TMEM154: variants seen among roughly 807,000 people sequenced by gnomAD.
TMEM154 encodes transmembrane protein 154.
In TMEM154, 27 loss-of-function variants were observed where a neutral mutation model predicts 24.5. The observed-to-expected ratio is 1.10, with a 90% confidence interval of 0.81 to 1.52. The LOEUF is 1.52. Ranked by LOEUF, TMEM154 falls within the 40% of genes most tolerant of loss-of-function variation. The pLI, the probability that TMEM154 is intolerant of heterozygous loss-of-function variation, is 0.00. For missense variants in TMEM154, 228 were observed against 213.4 expected (o/e 1.07, Z -0.43); for synonymous variants, 67 against 76.8 (o/e 0.87, Z 0.67).
chr4:152,675,131 TG>T (rs1368364782), intron 1 of TMEM154, among the ~76,000 whole-genome samples: 13 of 112,164 alleles, frequency 1.2e-4, no homozygotes, highest in Non-Finnish European at 2.1e-4. Context: ...TGCTCCAGCC[TG>T]GGCAGCAGAG....
At chr4:152,659,972 T>C (rs1728566047) in intron 1 of TMEM154, among the ~76,000 whole-genome samples, 1 of 152,210 alleles carries the variant, frequency 6.6e-6, no homozygotes, top group Non-Finnish European at 1.5e-5. Flanking sequence ...ACTGTACTAT[T>C]TGTGGCCACG....
At position 152,652,739 on chromosome 4, in the gene TMEM154, T is replaced by A; in HGVS notation, c.253A>T (p.Ile85Phe). 1 of 1,614,034 alleles carries A rather than the reference T, an allele frequency of 6.2e-7. No homozygotes were observed. Among genetic ancestry groups the A allele is most frequent in the Middle Eastern group, 1.7e-4 (1 of 6,060 alleles). The change falls in exon 2 of 7, where the codon ATT (isoleucine) becomes TTT (phenylalanine). Residue 85 changes from isoleucine to phenylalanine, a missense_variant. Transcript: ENST00000304385. ...GATAAAAGTAAGAGGACCAATAAAA[T>A]CAATGGGATTAACACCATCAGTATA... The part of the protein sequence containing the change: ...EFILMVLIPL[I>F]LLVLLLLSVV...
At position 152,628,425 on chromosome 4, in the gene TMEM154, G is replaced by A; in HGVS notation, c.*121C>T. ...TGGGCGTTGGAAGAAACAGCAAAAG[G>A]TTCTTGTGTCTATGTTGATTTGAAA... On this transcript the variant is annotated 3_prime_UTR_variant, in exon 7 of 7. Transcript: ENST00000304385. 12 of 1,504,500 alleles carry A rather than the reference G, an allele frequency of 8.0e-6. No homozygotes were observed. Among genetic ancestry groups the A allele is most frequent in the African/African-American group, 5.6e-5 (4 of 71,534 alleles). The allele number at this position is 1,504,500 out of a possible 1,614,324, so 93.2% of individuals were successfully genotyped here. A position where few individuals can be genotyped will look rare whatever the true frequency, so the allele number is the denominator to read the frequency against.
At chr4:152,654,719 G>C (rs930985305) in intron 1 of TMEM154, among the ~76,000 whole-genome samples, 7 of 152,138 alleles carry the variant, frequency 4.6e-5, no homozygotes, top group African/African-American at 1.7e-4. Context: ...TGCAGGCCAG[G>C]GAGAGAGTTC....
rs70949609 is a variant in TMEM154, at chr4:152,661,284, T to TTCTCTCTCTCTCTC, written c.65-8371_65-8358dup. On this transcript the variant is annotated intron_variant, in intron 1 of 6. Transcript: ENST00000304385. ...AATGAGAATCAAGGGATTGTTCTCT[T>TTCTCTCTCTCTCTC]TCTCTCTCTCTCTCTCTCTCTCTCT... Among the ~76,000 whole-genome samples the TTCTCTCTCTCTCTC allele has an allele frequency of 1.2e-3, 79 of 63,440 alleles. 2 individuals are homozygous for TTCTCTCTCTCTCTC. The highest frequency in any genetic ancestry group is 2.1e-3 in the East Asian group (4 of 1,908). The allele number at this position is 63,440 out of a possible 152,430, so 41.6% of individuals were successfully genotyped here.
rs1751847116 is a variant in TMEM154 at position 152,621,752 on chromosome 4, G to A, written c.*6794C>T. Reference sequence around the variant, plus strand: ...GTGTGAGATGAGGTTAAAATTAAAGGCATGAAGAAAAGTGAGTAATCAGGA... The same window carrying A: ...GTGTGAGATGAGGTTAAAATTAAAGACATGAAGAAAAGTGAGTAATCAGGA... On this transcript the variant is annotated 3_prime_UTR_variant, in exon 7 of 7. Transcript: ENST00000304385. 1 of 152,036 alleles carries A rather than the reference G, an allele frequency of 6.6e-6. No individual in the cohort carries two copies. Among genetic ancestry groups the A allele is most frequent in the Non-Finnish European group, 1.5e-5 (1 of 68,010 alleles). 9.4% of individuals were successfully genotyped at this position (152,036 alleles called of 1,614,324 possible).
intron 1 of TMEM154, among the ~76,000 whole-genome samples, chr4:152,677,980 C>CG (rs1728981538): frequency 6.6e-6 from 1 of 152,112 alleles, no homozygotes; most frequent in Admixed American, 6.5e-5. Flanking sequence ...TATCGGGGCA[C>CG]AGCAGCAGGT....
Position 152,640,965 on chromosome 4 carries a change from T to G in TMEM154, c.499A>C (p.Thr167Pro). The G allele has an allele frequency of 6.2e-7, 1 of 1,604,960 alleles. No homozygotes were observed. The highest frequency in any genetic ancestry group is 1.7e-5 in the Admixed American group (1 of 58,830). ...TTTGATTCCTTCTCTTCCTTCAAGG[T>G]AGGTAAACATTCAAAGTCGGCTAGG... ...NRNADFECLPTLKEEKESNHN... is the reference protein window; with the variant it reads ...NRNADFECLPPLKEEKESNHN... The change falls in exon 6 of 7, where the codon ACC (threonine) becomes CCC (proline). Residue 167 changes from threonine (T) to proline (P), a missense_variant. Thr to Pro is a conservative substitution (Grantham distance 38, BLOSUM62 -1). Transcript: ENST00000304385.
chr4:152,652,445 T>C, intron 3 of TMEM154, 93 bp downstream of exon 3: 1 of 1,567,292 alleles, frequency 6.4e-7, no homozygotes, highest in Non-Finnish European at 8.6e-7. Flanking sequence ...TCACTTACTA[T>C]TATATGTAGT....
chr4:152,667,360 G>A (rs1404804011), intron 1 of TMEM154, among the ~76,000 whole-genome samples: 1 of 152,076 alleles, frequency 6.6e-6, no homozygotes, highest in East Asian at 1.9e-4. Context: ...ACATACAAGG[G>A]AATGGAGGAA....
Position 152,679,850 on chromosome 4 carries a change from A to G in TMEM154, c.64+20T>C, listed in dbSNP as rs1264222748. The G allele has an allele frequency of 1.9e-6, 3 of 1,601,726 alleles. No homozygotes were observed. In the South Asian group the frequency reaches 3.4e-5, roughly 18 times the overall value. On this transcript the variant is annotated intron_variant, in intron 1 of 6. Transcript: ENST00000304385. ...TTTTGCGATCCTCCTTCCCAGGAGT[A>G]GGAAGTGGAGGCGGCTTACCCCGGC...
chr4:152,661,826 C>T (rs1053698032), intron 1 of TMEM154, among the ~76,000 whole-genome samples: 1 of 152,148 alleles, frequency 6.6e-6, no homozygotes, highest in African/African-American at 2.4e-5. Flanking sequence ...GTTTCGCTAC[C>T]ACCCTTTCCC....
At chr4:152,674,823 C>A (rs1193600918) in intron 1 of TMEM154, among the ~76,000 whole-genome samples, 1 of 152,028 alleles carries the variant, frequency 6.6e-6, no homozygotes, top group Non-Finnish European at 1.5e-5. Flanking sequence ...CCTCGGTGTA[C>A]CAGGTTCTGC....
chr4:152,665,470 T>C (rs1264373306), intron 1 of TMEM154, among the ~76,000 whole-genome samples: 2 of 152,130 alleles, frequency 1.3e-5, no homozygotes, highest in African/African-American at 2.4e-5. Flanking sequence ...CAGAATACAA[T>C]AGCTTAAAAA....
At chr4:152,655,030 GA>G (rs954038527) in intron 1 of TMEM154, among the ~76,000 whole-genome samples, 10 of 147,890 alleles carry the variant, frequency 6.8e-5, no homozygotes, top group East Asian at 3.9e-4. Flanking sequence ...AGGCAGGATT[GA>G]AAAAAAAAAC....
intron 3 of TMEM154, among the ~76,000 whole-genome samples, chr4:152,644,909 C>T (rs1244951238): frequency 6.6e-6 from 1 of 152,154 alleles, no homozygotes; most frequent in African/African-American, 2.4e-5. Flanking sequence ...ATCAAGGGCT[C>T]CCCTTGGAAT....
chr4:152,663,626 CA>C (rs1437955006), intron 1 of TMEM154, among the ~76,000 whole-genome samples: 1 of 152,230 alleles, frequency 6.6e-6, no homozygotes, highest in African/African-American at 2.4e-5. Flanking sequence ...GTGACCGCAA[CA>C]CAAACTCTCC....
At chr4:152,658,275 G>T (rs1482974559) in intron 1 of TMEM154, among the ~76,000 whole-genome samples, 3 of 151,886 alleles carry the variant, frequency 2.0e-5, no homozygotes, top group Non-Finnish European at 4.4e-5. Flanking sequence ...AAAACCTATG[G>T]GATACAGCAA....
chr4:152,652,890 A>G lies in TMEM154; in HGVS notation c.102T>C (p.Thr34=), dbSNP rs1437681270. ...YEELENSGDT[T]VESERPNKVT... is the part of the protein sequence containing the mutation. ...CTTTATTTGGTCTTTCAGATTCCAC[A>G]GTTGTATCTCCTGAGTTTTCTAATT... The change falls in exon 2 of 7, where the codon ACT becomes ACC. Residue 34 remains threonine, a synonymous_variant. Transcript: ENST00000304385. The G allele has an allele frequency of 6.2e-7, 1 of 1,612,326 alleles. No homozygotes were observed. Among genetic ancestry groups the G allele is most frequent in the South Asian group, 1.1e-5 (1 of 90,626 alleles).
Sources: gnomAD v4.1 joint callset for allele counts (sites outside exome capture counted in the v4.1 genomes callset) on GRCh38, gnomAD v4.1.1 for gene constraint, MANE v1.5 for transcripts, NCBI Gene and HGNC (gene_info 2026-07-23, HGNC 2026-07-21) for gene names.